The following SPIRE1 variants were observed in gnomAD, a reference collection of about 807,000 sequenced individuals.
SPIRE1 encodes the protein protein spire homolog 1.
Under a neutral mutation model 94.1 loss-of-function variants are expected in SPIRE1, and 40 were observed. The observed-to-expected ratio is 0.43, with a 90% CI of 0.33 to 0.55. SPIRE1 has a LOEUF of 0.55. Among genes scored for constraint, SPIRE1 ranks in the 20% least tolerant of loss-of-function variants. The pLI, the probability that SPIRE1 is intolerant of heterozygous loss-of-function variation, is 0.06. For missense variants in SPIRE1, 838 were observed against 975.2 expected (o/e 0.86, Z 1.87); for synonymous variants, 376 against 371.7 (o/e 1.01, Z -0.13).
intron 6 of SPIRE1, among the ~76,000 whole-genome samples, chr18:12,498,374 TA>T (rs1354593808): frequency 6.6e-6 from 1 of 152,220 alleles, no homozygotes; most frequent in Non-Finnish European, 1.5e-5. Flanking sequence ...AATTTGGTAT[TA>T]TTTTTGAGCA....
At chr18:12,643,007 C>T (rs1055260877) in intron 1 of SPIRE1, among the ~76,000 whole-genome samples, 1 of 151,900 alleles carries the variant, frequency 6.6e-6, no homozygotes, top group Non-Finnish European at 1.5e-5. Context: ...GTACTGTATT[C>T]ATAAGTATAA....
Position 12,506,477 on chromosome 18 carries a change from C to T in SPIRE1, c.972G>A (p.Met324Ile), listed in dbSNP as rs866943184. 1 of 1,613,776 alleles carries T rather than the reference C, an allele frequency of 6.2e-7. No individual in the cohort carries two copies. Among genetic ancestry groups the T allele is most frequent in the Non-Finnish European group, 8.5e-7 (1 of 1,179,828 alleles). Residue 324 changes from methionine to isoleucine, a missense_variant and splice_region_variant, in exon 6 of 17, where the codon ATG becomes ATA. Coordinates refer to ENST00000409402, the MANE Select transcript of SPIRE1 (RefSeq NM_001128626.2). ...RCKRYTLRKV[M>I]VNGDIPPRLK... Reference sequence around the variant, plus strand: ...CCGGCCTGACAGCTTGGTTACTTACCATCACTTTTCGCAAGGTGTATCTTT... The same window carrying T: ...CCGGCCTGACAGCTTGGTTACTTACTATCACTTTTCGCAAGGTGTATCTTT...
At chr18:12,532,140 T>A (rs2034700103) in intron 4 of SPIRE1, among the ~76,000 whole-genome samples, 1 of 152,148 alleles carries the variant, frequency 6.6e-6, no homozygotes, top group Non-Finnish European at 1.5e-5. Context: ...AGAATGACCT[T>A]AAAGGAGTTC....
chr18:12,619,487 G>C (rs1004131609), intron 2 of SPIRE1, among the ~76,000 whole-genome samples: 1 of 150,696 alleles, frequency 6.6e-6, no homozygotes. Flanking sequence ...CAGCCTGGGC[G>C]ATACAGCGAG....
intron 16 of SPIRE1, among the ~76,000 whole-genome samples, chr18:12,451,949 T>C (rs1251152042): frequency 6.6e-6 from 1 of 152,186 alleles, no homozygotes; most frequent in Non-Finnish European, 1.5e-5. Flanking sequence ...CATTCCAATT[T>C]TCAACTCCAT....
chr18:12,488,070 C>T (rs999146035), intron 8 of SPIRE1, among the ~76,000 whole-genome samples: 14 of 152,304 alleles, frequency 9.2e-5, no homozygotes, highest in Admixed American at 2.0e-4. Flanking sequence ...CAACAAAGCA[C>T]AGTCTTCGTT....
At chr18:12,542,133 T>C (rs897275348) in intron 3 of SPIRE1, among the ~76,000 whole-genome samples, 1 of 151,952 alleles carries the variant, frequency 6.6e-6, no homozygotes, top group African/African-American at 2.4e-5. Flanking sequence ...TGCAGCACCA[T>C]GCCTGGCTAA....
intron 10 of SPIRE1, among the ~76,000 whole-genome samples, chr18:12,470,560 C>T (rs1214667222): frequency 6.6e-6 from 1 of 152,108 alleles, no homozygotes. Flanking sequence ...AACTTAGACA[C>T]TCAGAAGGAG....
At chr18:12,634,892 G>A (rs1355271891) in intron 2 of SPIRE1, among the ~76,000 whole-genome samples, 170 bp downstream of exon 2, 2 of 150,688 alleles carry the variant, frequency 1.3e-5, no homozygotes, top group African/African-American at 2.4e-5. Flanking sequence ...CCAAGATCGT[G>A]CCATTGTACT....
chr18:12,562,492 G>GTTTTA (rs1001475289), intron 2 of SPIRE1, among the ~76,000 whole-genome samples: 1 of 148,172 alleles, frequency 6.7e-6, no homozygotes, highest in Admixed American at 6.8e-5. Flanking sequence ...TATATTTTTT[G>GTTTTA]TTTTATTTTA....
At chr18:12,466,286 T>C (rs1336129129) in intron 10 of SPIRE1, among the ~76,000 whole-genome samples, 1 of 152,060 alleles carries the variant, frequency 6.6e-6, no homozygotes, top group Admixed American at 6.6e-5. Flanking sequence ...TAGATATATA[T>C]ATATTTTTGA....
At chr18:12,508,725 A>T (rs938630422) in intron 5 of SPIRE1, among the ~76,000 whole-genome samples, 1 of 147,292 alleles carries the variant, frequency 6.8e-6, no homozygotes, top group Non-Finnish European at 1.5e-5. Context: ...CCCATGTTGG[A>T]GTGCAATGGT....
intron 13 of SPIRE1, among the ~76,000 whole-genome samples, chr18:12,453,785 C>T (rs925262808): frequency 4.0e-5 from 6 of 151,692 alleles, no homozygotes; most frequent in African/African-American, 1.5e-4. Flanking sequence ...TGACTAAATG[C>T]ACACATGGCT....
intron 2 of SPIRE1, among the ~76,000 whole-genome samples, chr18:12,569,201 G>T (rs2035893488): frequency 6.6e-6 from 1 of 152,094 alleles, no homozygotes; most frequent in Non-Finnish European, 1.5e-5. Context: ...AAATTAGCCA[G>T]GCATGGTGGC....
In SPIRE1 at chr18:12,637,160, C is replaced by T. The variant is rs144415262; in HGVS notation, c.338-2064G>A. On this transcript the variant is annotated intron_variant, in intron 1 of 16. Coordinates refer to ENST00000409402, the MANE Select transcript of SPIRE1 (RefSeq NM_001128626.2). ...AGATCATGAGGTCAGGAGATTGAGA[C>T]TATCCTGGCTAACATGGTGAAACCT... is the stretch of plus-strand genomic sequence containing the variant. Among the ~76,000 whole-genome samples the T allele has an allele frequency of 9.4e-3, 1,432 of 152,202 alleles. 30 individuals carry two copies. The highest frequency in any genetic ancestry group is 0.032 in the African/African-American group (1,319 of 41,524).
intron 10 of SPIRE1, among the ~76,000 whole-genome samples, chr18:12,479,112 A>T (rs1164592397): frequency 6.6e-6 from 1 of 151,722 alleles, no homozygotes; most frequent in African/African-American, 2.4e-5. Context: ...AACCCCACAT[A>T]TAATTTAAGA....
intron 2 of SPIRE1, among the ~76,000 whole-genome samples, chr18:12,563,704 T>C (rs2035747841): frequency 6.6e-6 from 1 of 152,100 alleles, no homozygotes; most frequent in Non-Finnish European, 1.5e-5. Context: ...AGAAGATTCT[T>C]GGGGCAAATA....
At chr18:12,539,094 T>C (rs1271284072) in intron 3 of SPIRE1, among the ~76,000 whole-genome samples, 1 of 152,212 alleles carries the variant, frequency 6.6e-6, no homozygotes, top group African/African-American at 2.4e-5. Flanking sequence ...AATCATTCAT[T>C]CAAACAATAT....
At chr18:12,456,745 T>A (rs758752540) in intron 12 of SPIRE1, among the ~76,000 whole-genome samples, 6 of 152,206 alleles carry the variant, frequency 3.9e-5, no homozygotes, top group African/African-American at 9.6e-5. Context: ...CACCTCCCTG[T>A]CTTCAGTCTT....
Sources: gnomAD v4.1 joint callset for allele counts (sites outside exome capture counted in the v4.1 genomes callset) on GRCh38, gnomAD v4.1.1 for gene constraint, MANE v1.5 for transcripts, NCBI Gene and HGNC (gene_info 2026-07-23, HGNC 2026-07-21) for gene names.